Variants in CACNA1E observed in about 807,000 individuals in gnomAD.
The protein encoded by CACNA1E is calcium voltage-gated channel subunit alpha1 E.
A neutral mutation model predicts 259.2 loss-of-function variants in CACNA1E; 40 were observed. The observed-to-expected ratio is 0.15, with a 90% CI of 0.12 to 0.20. The LOEUF is 0.20. Ranked by LOEUF, CACNA1E falls within the 10% of genes least tolerant of loss-of-function variation. The probability of loss-of-function intolerance (pLI) is 1.00; values close to 1 mark genes in which losing one functional copy is unlikely to be tolerated. For synonymous variants in CACNA1E, 1,104 were observed against 1,138.5 expected, an observed-to-expected ratio of 0.97 and a Z score of 0.61; for missense variants, 1,874 against 3,040.1, an observed-to-expected ratio of 0.62 and a Z score of 9.02.
intron 2 of CACNA1E, among the ~76,000 whole-genome samples, chr1:181,434,751 G>A (rs1410212252): frequency 6.6e-6 from 1 of 152,200 alleles, no homozygotes; most frequent in Non-Finnish European, 1.5e-5. Context: ...CGGGAGGTGG[G>A]CAGGAGCCAC....
At chr1:181,759,536 T>G (rs1323063931) in intron 32 of CACNA1E, among the ~76,000 whole-genome samples, 1 of 152,062 alleles carries the variant, frequency 6.6e-6, no homozygotes, top group Non-Finnish European at 1.5e-5. Context: ...TATTAATAAT[T>G]ATAATTGTTG....
intron 7 of CACNA1E, among the ~76,000 whole-genome samples, chr1:181,705,252 A>C (rs1240255983): frequency 6.6e-6 from 1 of 152,226 alleles, no homozygotes; most frequent in African/African-American, 2.4e-5. Context: ...CCAGGCACAC[A>C]TGATAAATGT....
chr1:181,771,068 A>G (rs1659464077), intron 35 of CACNA1E, among the ~76,000 whole-genome samples: 1 of 152,240 alleles, frequency 6.6e-6, no homozygotes, highest in East Asian at 1.9e-4. Context: ...TTATGCTTGG[A>G]CCTTGCTGCA....
chr1:181,629,635 C>T (rs113973515), intron 6 of CACNA1E, among the ~76,000 whole-genome samples: 4 of 150,898 alleles, frequency 2.7e-5, no homozygotes, highest in African/African-American at 7.3e-5. Context: ...AAAAATGACA[C>T]GTGAAAAAAA....
At chr1:181,600,453 G>A (rs1653628739) in intron 6 of CACNA1E, among the ~76,000 whole-genome samples, 1 of 152,202 alleles carries the variant, frequency 6.6e-6, no homozygotes. Context: ...AAGAGTGGAG[G>A]CGGGCAGCTG....
At chr1:181,616,222 A>G (rs1005990500) in intron 6 of CACNA1E, among the ~76,000 whole-genome samples, 7 of 152,210 alleles carry the variant, frequency 4.6e-5, no homozygotes, top group Non-Finnish European at 8.8e-5. Flanking sequence ...GAAACAAGCT[A>G]GATATGCTGT....
chr1:181,339,272 T>G (rs1166355309), intron 1 of CACNA1E, among the ~76,000 whole-genome samples: 1 of 152,166 alleles, frequency 6.6e-6, no homozygotes, highest in Non-Finnish European at 1.5e-5. Flanking sequence ...TTTAACAATA[T>G]TAATTCTTCT....
chr1:181,657,566 G>C (rs1659306507), intron 7 of CACNA1E, among the ~76,000 whole-genome samples: 1 of 152,028 alleles, frequency 6.6e-6, no homozygotes, highest in Non-Finnish European at 1.5e-5. Context: ...GTGTTACTTT[G>C]AAAAAATAGA....
intron 18 of CACNA1E, among the ~76,000 whole-genome samples, chr1:181,728,759 C>T (rs561784941): frequency 4.7e-5 from 7 of 150,284 alleles, no homozygotes; most frequent in Admixed American, 6.6e-5. Flanking sequence ...GCATTTTGCT[C>T]GGGTGTGTGT....
Position 181,483,528 on chromosome 1 carries a change from A to T in CACNA1E, c.-217A>T. ...TTTTTTTTTTTTTCCTTCTTGAGGA[A>T]TGGAGCTTCGCAGAGGTTGCATTTA... On this transcript the variant is annotated 5_prime_UTR_variant, in exon 1 of 48. The change abolishes an upstream ATG in the 5' untranslated region. Transcript: ENST00000367573. 1 of 348,904 alleles carries T rather than the reference A, an allele frequency of 2.9e-6. No individual in the cohort carries two copies. Among genetic ancestry groups the T allele is most frequent in the African/African-American group, 2.2e-5 (1 of 45,432 alleles). 21.6% of individuals were successfully genotyped at this position (348,904 alleles called of 1,614,324 possible). A position where few individuals can be genotyped will look rare whatever the true frequency, so the allele number is the denominator to read the frequency against.
At chr1:181,682,756 G>A (rs77854633) in intron 7 of CACNA1E, among the ~76,000 whole-genome samples, 3,829 of 152,250 alleles carry the variant, frequency 0.025, 159 homozygotes, top group African/African-American at 0.088. Flanking sequence ...GGAAGAGAGT[G>A]AGTGAGTGGG....
In CACNA1E at chr1:181,766,630, G is replaced by T. The variant is rs768262781; in HGVS notation, c.4881+19G>T. On this transcript the variant is annotated intron_variant, in intron 35 of 47. Transcript: ENST00000367573. ...GATGCAGGTGAGCTGGTAAATCAAG[G>T]GCCCGGTGGGGGACAGCTGTTACCC... The T allele has an allele frequency of 3.0e-5, 48 of 1,576,144 alleles. No individual in the cohort carries two copies. The highest frequency in any genetic ancestry group is 4.1e-5 in the Non-Finnish European group (47 of 1,146,798).
At chr1:181,608,452 G>A (rs956009305) in intron 6 of CACNA1E, among the ~76,000 whole-genome samples, 3 of 152,156 alleles carry the variant, frequency 2.0e-5, no homozygotes, top group African/African-American at 7.2e-5. Flanking sequence ...TGCAGACAAG[G>A]GGGGCTACAG....
intron 1 of CACNA1E, among the ~76,000 whole-genome samples, chr1:181,386,741 A>G (rs1271048488): frequency 1.3e-5 from 2 of 152,192 alleles, no homozygotes; most frequent in African/African-American, 2.4e-5. Flanking sequence ...TCTGCTCATC[A>G]TATCCAGAAT....
chr1:181,621,080 A>G lies in CACNA1E; in HGVS notation c.952-30258A>G, dbSNP rs1172939743. On this transcript the variant is annotated intron_variant, in intron 6 of 47. Transcript: ENST00000367573. ...TCAAATATCCATCTACTTATTTAGG[A>G]AATATTTATCGTCTGGCATCATTGA... Among the ~76,000 whole-genome samples, 3 of 152,236 alleles carry G rather than the reference A, an allele frequency of 2.0e-5. No homozygotes were observed. In the South Asian group the frequency reaches 6.2e-4, roughly 32 times the overall value.
Position 181,400,070 on chromosome 1 carries a change from C to T in CACNA1E, c.-14-13063C>T, listed in dbSNP as rs140145568. Among the ~76,000 whole-genome samples, 513 of 152,296 alleles carry T rather than the reference C, an allele frequency of 3.4e-3. 2 individuals are homozygous for T. Among genetic ancestry groups the T allele is most frequent in the African/African-American group, 0.01 (433 of 41,554 alleles). On this transcript the variant is annotated intron_variant, in intron 1 of 11. Transcript: ENST00000524607. ...GATAAATAATAGGGAATCTGATCTA[C>T]TGTAGTTCTATGCTATATCTCAGTG... is the stretch of plus-strand genomic sequence containing the variant.
At chr1:181,691,725 A>C (rs1207910357) in intron 7 of CACNA1E, among the ~76,000 whole-genome samples, 5 of 152,216 alleles carry the variant, frequency 3.3e-5, no homozygotes, top group Admixed American at 6.5e-5. Context: ...CTGAATGGGC[A>C]AAAGCTGGAA....
At chr1:181,454,390 A>G (rs558112093) in intron 2 of CACNA1E, among the ~76,000 whole-genome samples, 4 of 152,360 alleles carry the variant, frequency 2.6e-5, no homozygotes, top group African/African-American at 7.2e-5. Context: ...TCTGAATTGA[A>G]AGGGACCTTT....
At chr1:181,711,304 C>T (rs1353457563) in intron 8 of CACNA1E, among the ~76,000 whole-genome samples, 5 of 152,228 alleles carry the variant, frequency 3.3e-5, no homozygotes, top group Non-Finnish European at 5.9e-5. Context: ...GCAAGGTGAA[C>T]TGAGTAAAAG....
Sources: gnomAD v4.1 joint callset for allele counts (sites outside exome capture counted in the v4.1 genomes callset) on GRCh38, gnomAD v4.1.1 for gene constraint, MANE v1.5 for transcripts, NCBI Gene and HGNC (gene_info 2026-07-23, HGNC 2026-07-21) for gene names.